The following PSMF1 variants were observed in gnomAD, a reference collection of about 807,000 sequenced individuals.
The protein encoded by PSMF1 is proteasome inhibitor PI31 subunit.
A neutral mutation model predicts 29.3 loss-of-function variants in PSMF1; 30 were observed. The observed-to-expected ratio is 1.02, with a 90% confidence interval of 0.77 to 1.39. PSMF1 has a LOEUF of 1.39. Among genes scored for constraint, PSMF1 ranks in the 40% most tolerant of loss-of-function variants. PSMF1 has a pLI of 0.00. For synonymous variants in PSMF1, 134 were observed against 139.7 expected (o/e 0.96, Z 0.29); for missense variants, 344 against 357.5 (o/e 0.96, Z 0.31).
rs558161372 is a variant in PSMF1, at chr20:1,169,402, G to A, written c.*4322G>A. On this transcript the variant is annotated 3_prime_UTR_variant, in exon 7 of 7. Transcript: ENST00000335877. ...AGGCCCAGCCCTTGCTTGGAGGAAC[G>A]TGAGGCTGATGGTGCAGTGCAATAG... Among the ~76,000 whole-genome samples the A allele has an allele frequency of 1.2e-4, 18 of 152,316 alleles. No homozygotes were observed. The highest frequency in any genetic ancestry group is 3.3e-4 in the Admixed American group (5 of 15,308).
intron 4 of PSMF1, among the ~76,000 whole-genome samples, chr20:1,149,323 A>G (rs957633281): frequency 2.0e-5 from 3 of 152,254 alleles, no homozygotes; most frequent in Non-Finnish European, 4.4e-5. Context: ...TGTTACATCA[A>G]AATCTGCTGG....
At chr20:1,119,267 C>G (rs973760801) in intron 1 of PSMF1, among the ~76,000 whole-genome samples, 2 of 152,176 alleles carry the variant, frequency 1.3e-5, no homozygotes, top group Non-Finnish European at 2.9e-5. Context: ...CCCGTCTGAA[C>G]TCCTTACCAC....
chr20:1,136,354 A>G (rs756604003), intron 4 of PSMF1, among the ~76,000 whole-genome samples: 6 of 152,192 alleles, frequency 3.9e-5, no homozygotes, highest in African/African-American at 4.8e-5. Flanking sequence ...TGTGATGTAA[A>G]CAGATGTGAT....
intron 4 of PSMF1, 66 bp downstream of exon 4, chr20:1,135,372 TC>T: frequency 6.8e-7 from 1 of 1,469,002 alleles, no homozygotes; most frequent in South Asian, 1.3e-5. Flanking sequence ...GCTATCCCCA[TC>T]CTGCCACTTG....
rs543842748 is a variant in PSMF1, at chr20:1,134,322, T to G, written c.366-799T>G. On this transcript the variant is annotated intron_variant, in intron 3 of 6. Coordinates refer to ENST00000335877, the MANE Select transcript of PSMF1 (RefSeq NM_006814.5). ...TTCAGTGCTATATATTTCTTTTTTGTGACTTTGATCCAAGGATTTTCTAGA... is the reference window on the plus strand; with the variant it reads ...TTCAGTGCTATATATTTCTTTTTTGGGACTTTGATCCAAGGATTTTCTAGA... 7.9e-5 allele frequency among the ~76,000 whole-genome samples: 12 copies of G among 152,308 alleles called. No individual in the cohort carries two copies. The South Asian group carries it at 2.3e-3, about 29-fold the overall frequency.
chr20:1,128,347 T>G (rs2086186416), intron 3 of PSMF1, among the ~76,000 whole-genome samples: 1 of 152,338 alleles, frequency 6.6e-6, no homozygotes, highest in Admixed American at 6.5e-5. Flanking sequence ...ACAGGATTCT[T>G]TTTCTCTTAT....
upstream of PSMF1, among the ~76,000 whole-genome samples, chr20:1,113,707 T>C (rs2085989208): frequency 6.6e-6 from 1 of 152,156 alleles, no homozygotes; most frequent in South Asian, 2.1e-4. Flanking sequence ...TTTTTGGTTT[T>C]TTTGAGACGG....
chr20:1,141,674 C>T (rs1007430291), intron 4 of PSMF1, among the ~76,000 whole-genome samples: 4 of 151,644 alleles, frequency 2.6e-5, no homozygotes, highest in African/African-American at 4.9e-5. Context: ...AGTTTTAGCC[C>T]GCACATTAAA....
Position 1,163,491 on chromosome 20 carries a change from G to A in PSMF1, c.605+308G>A, listed in dbSNP as rs952650835. On this transcript the variant is annotated intron_variant, in intron 5 of 6. Transcript: ENST00000335877. The surrounding 1 kb of genome is among the most constrained non-coding windows in gnomAD (Gnocchi z 6.1). Reference sequence around the variant, plus strand: ...TGAGGAGCACATGGTGGGCCTTAGGGCAGCTCAGGGCTATTCAGAGGTTGC... The same window carrying A: ...TGAGGAGCACATGGTGGGCCTTAGGACAGCTCAGGGCTATTCAGAGGTTGC... 1.3e-5 allele frequency among the ~76,000 whole-genome samples: 2 copies of A among 152,170 alleles called. No individual in the cohort carries two copies. Among genetic ancestry groups the A allele is most frequent in the African/African-American group, 2.4e-5 (1 of 41,454 alleles).
intron 4 of PSMF1, among the ~76,000 whole-genome samples, chr20:1,140,588 G>GA (rs1402381322): frequency 6.6e-6 from 1 of 152,060 alleles, no homozygotes; most frequent in African/African-American, 2.4e-5. Context: ...CAAGCAGCGA[G>GA]AAAAAATAGA....
chr20:1,119,064 C>T (rs1401769070), intron 1 of PSMF1, among the ~76,000 whole-genome samples, 162 bp downstream of exon 1: 1 of 152,216 alleles, frequency 6.6e-6, no homozygotes, highest in African/African-American at 2.4e-5. Flanking sequence ...AGGTTGCTCA[C>T]CTGCCCCATC....
Position 1,125,571 on chromosome 20 carries a change from G to T in PSMF1, c.203G>T (p.Arg68Leu). 1 of 1,614,084 alleles carries T rather than the reference G, an allele frequency of 6.2e-7. No individual in the cohort carries two copies. Among genetic ancestry groups the T allele is most frequent in the Non-Finnish European group, 8.5e-7 (1 of 1,179,996 alleles). ...WNNNKDLYVL[R>L]YEYKDGSRKL... ...AACAATAAAGACCTGTATGTCCTCC[G>T]GTATGAGTATAAGGATGGGTCCAGA... Residue 68 changes from arginine (R) to leucine (L), a missense_variant, in exon 2 of 7, where the codon CGG (arginine) becomes CTG (leucine). Transcript: ENST00000335877.
intron 4 of PSMF1, among the ~76,000 whole-genome samples, chr20:1,144,723 A>C (rs1304501851): frequency 6.6e-6 from 1 of 152,220 alleles, no homozygotes; most frequent in African/African-American, 2.4e-5. Context: ...TTAAAATGAC[A>C]CAGTTATAGA....
At position 1,132,367 on chromosome 20, in the gene PSMF1, C is replaced by T. The variant is rs562962636; in HGVS notation, c.366-2754C>T. On this transcript the variant is annotated intron_variant, in intron 3 of 6. Coordinates refer to ENST00000335877, the MANE Select transcript of PSMF1 (RefSeq NM_006814.5). ...CTTGGCTCACTTCAACCTCTGCCTC[C>T]GGGGTTCAAGTGATTCTCCTGCCTC... Among the ~76,000 whole-genome samples, 75 of 151,834 alleles carry T rather than the reference C, an allele frequency of 4.9e-4. 1 individual carries two copies. The South Asian group carries it at 7.7e-3, about 16-fold the overall frequency.
Position 1,170,248 on chromosome 20 carries a change from G to T in PSMF1, c.*5168G>T, listed in dbSNP as rs2086776947. Among the ~76,000 whole-genome samples, 1 of 152,178 alleles carries T rather than the reference G, an allele frequency of 6.6e-6. No individual in the cohort carries two copies. Among genetic ancestry groups the T allele is most frequent in the African/African-American group, 2.4e-5 (1 of 41,432 alleles). On this transcript the variant is annotated 3_prime_UTR_variant, in exon 7 of 7. Coordinates refer to ENST00000335877, the MANE Select transcript of PSMF1 (RefSeq NM_006814.5). ...TTTTAACAAGTTCTCCATGAGATTTGTGTAAACTTAAAGTGAGAGAAGCTC... is the reference window on the plus strand; with the variant it reads ...TTTTAACAAGTTCTCCATGAGATTTTTGTAAACTTAAAGTGAGAGAAGCTC...
intron 4 of PSMF1, among the ~76,000 whole-genome samples, chr20:1,142,554 A>G (rs911495381): frequency 1.3e-5 from 2 of 152,096 alleles, no homozygotes; most frequent in Non-Finnish European, 2.9e-5. Context: ...GTTTGCTGAG[A>G]ATGGTGGTTT....
chr20:1,121,413 T>G (rs1016541714), intron 1 of PSMF1, among the ~76,000 whole-genome samples: 4 of 152,140 alleles, frequency 2.6e-5, no homozygotes, highest in African/African-American at 9.7e-5. Flanking sequence ...TTCTCCTTGA[T>G]TGCCATTGGG....
chr20:1,129,655 G>A (rs1023648365), intron 3 of PSMF1, among the ~76,000 whole-genome samples: 4 of 152,186 alleles, frequency 2.6e-5, no homozygotes, highest in African/African-American at 9.7e-5. Flanking sequence ...CACCCATTAC[G>A]ATGGGTAGTA....
rs2086756702 is a variant in PSMF1, at chr20:1,168,447, A to ACCT, written c.*3372_*3374dup. 6.6e-6 allele frequency: 1 copy of ACCT among 152,084 alleles called. No homozygotes were observed. The highest frequency in any genetic ancestry group is 1.9e-4 in the East Asian group (1 of 5,200). The allele number at this position is 152,084 out of a possible 1,614,324, so 9.4% of individuals were successfully genotyped here. On this transcript the variant is annotated 3_prime_UTR_variant, in exon 7 of 7. Transcript: ENST00000335877. ...GATGTACCAGCAGCCCCCACATCACACCTCCTCTTCCTTGGCTTGTCTCTT... is the reference window on the plus strand; with the variant it reads ...GATGTACCAGCAGCCCCCACATCACACCTCCTCCTCTTCCTTGGCTTGTCTCTT...
Sources: allele counts gnomAD v4.1 joint callset (sites outside exome capture counted in the v4.1 genomes callset), GRCh38; gene constraint gnomAD v4.1.1; non-coding constraint Gnocchi (gnomAD v3.1); transcripts MANE v1.5; gene names NCBI Gene and HGNC (gene_info 2026-07-23, HGNC 2026-07-21).